DNMBP: variants seen among roughly 807,000 people sequenced by gnomAD.
The protein encoded by DNMBP is dynamin-binding protein.
Under a neutral mutation model 150.0 loss-of-function variants are expected in DNMBP, and 87 were observed. The ratio of observed to expected loss-of-function variants is 0.58; its 90% confidence interval spans 0.49 to 0.69. The LOEUF (loss-of-function observed/expected upper bound fraction) is 0.69, where lower values mean the gene tolerates loss of function less well. DNMBP is among the 30% of genes least tolerant of loss of function. The probability of loss-of-function intolerance (pLI) is 0.00; values close to 1 mark genes in which losing one functional copy is unlikely to be tolerated. For synonymous variants in DNMBP, 711 were observed against 750.4 expected, an observed-to-expected ratio of 0.95 and a Z score of 0.86; for missense variants, 1,774 against 1,949.0, an observed-to-expected ratio of 0.91 and a Z score of 1.69.
chr10:99,902,927 TAA>T (rs775080360), intron 6 of DNMBP, among the ~76,000 whole-genome samples: 36 of 135,134 alleles, frequency 2.7e-4, no homozygotes, highest in African/African-American at 3.3e-4. Context: ...ATTCTGTCTT[TAA>T]AAAAAAAAAA....
intron 4 of DNMBP, among the ~76,000 whole-genome samples, chr10:99,942,588 C>A (rs1324735210): frequency 1.3e-5 from 2 of 152,182 alleles, no homozygotes; most frequent in African/African-American, 4.8e-5. Context: ...TACTTAAGTA[C>A]CTCAATGCAT....
rs1239254934 is a variant in DNMBP, at chr10:99,970,993, A to AAAAAAAAAG, written c.145+986_145+987insCTTTTTTTT. Reference sequence around the variant, plus strand: ...TCTCAAAAAAAAAAAAAAAAAAAAAAAAAAAGGAAAGCAGTAGTAAACAAC... The same window carrying AAAAAAAAAG: ...TCTCAAAAAAAAAAAAAAAAAAAAAAAAAAAAAAGAAAAAGGAAAGCAGTAGTAAACAAC... On this transcript the variant is annotated intron_variant, in intron 2 of 16. Coordinates refer to ENST00000324109, the MANE Select transcript of DNMBP (RefSeq NM_015221.4). Among the ~76,000 whole-genome samples, 3 of 148,892 alleles carry AAAAAAAAAG rather than the reference A, an allele frequency of 2.0e-5. No homozygotes were observed. The Admixed American group carries it at 2.0e-4, about 10-fold the overall frequency.
Position 99,898,734 on chromosome 10 carries a change from GGA to G in DNMBP, c.2720+7_2720+8del, listed in dbSNP as rs1207125326. 1.2e-6 allele frequency: 2 copies of G among 1,613,646 alleles called. No homozygotes were observed. Among genetic ancestry groups the G allele is most frequent in the Non-Finnish European group, 1.7e-6 (2 of 1,179,776 alleles). Reference sequence around the variant, plus strand: ...ATGAGCGCATACATCAAGCAGCAATGGAACTTACCATTCGTTGTATAGGCTCC... The same window carrying G: ...ATGAGCGCATACATCAAGCAGCAATGACTTACCATTCGTTGTATAGGCTCC... On this transcript the variant is annotated splice_region_variant and intron_variant, in intron 8 of 16. Coordinates refer to ENST00000324109, the MANE Select transcript of DNMBP (RefSeq NM_015221.4).
At chr10:99,899,579 G>A in intron 7 of DNMBP, among the ~76,000 whole-genome samples, 1 of 152,120 alleles carries the variant, frequency 6.6e-6, no homozygotes, top group Non-Finnish European at 1.5e-5. Context: ...GCTGACCTGG[G>A]CAATAAGCTG....
In DNMBP at chr10:99,902,603, C is replaced by T. The variant is rs542749130; in HGVS notation, c.2555-2537G>A. 3.3e-3 allele frequency among the ~76,000 whole-genome samples: 493 copies of T among 147,486 alleles called. 3 individuals are homozygous for T. Among genetic ancestry groups the T allele is most frequent in the Middle Eastern group, 7.0e-3 (2 of 284 alleles). On this transcript the variant is annotated intron_variant, in intron 6 of 16. Transcript: ENST00000324109. ...GGGATTACCGGTGTGAAACACCGCA[C>T]CCGGCTGCCTCCCTTTAAAAAAAAA...
At chr10:99,886,866 T>C (rs2039475607) in intron 12 of DNMBP, among the ~76,000 whole-genome samples, 1 of 152,162 alleles carries the variant, frequency 6.6e-6, no homozygotes, top group Non-Finnish European at 1.5e-5. Context: ...TCAAGGAGTA[T>C]GTAAAATACA....
intron 1 of DNMBP, among the ~76,000 whole-genome samples, chr10:99,993,114 T>C (rs2040914269): frequency 6.6e-6 from 1 of 152,200 alleles, no homozygotes. Flanking sequence ...GAAATTAATA[T>C]ATGTAAAGCA....
intron 4 of DNMBP, among the ~76,000 whole-genome samples, chr10:99,937,555 A>C (rs572573365): frequency 6.6e-6 from 1 of 152,350 alleles, no homozygotes; most frequent in South Asian, 2.1e-4. Context: ...AAACACAGTA[A>C]ATCTTAATTT....
At position 99,955,916 on chromosome 10, in the gene DNMBP, T is replaced by C. The variant is rs1351250528; in HGVS notation, c.1558A>G (p.Arg520Gly). The C allele has an allele frequency of 1.2e-6, 2 of 1,614,064 alleles. No individual in the cohort carries two copies. Among genetic ancestry groups the C allele is most frequent in the Non-Finnish European group, 8.5e-7 (1 of 1,179,974 alleles). Residue 520 changes from arginine (R) to glycine (G), a missense_variant, in exon 4 of 17, where the codon AGA becomes GGA. Coordinates refer to ENST00000324109, the MANE Select transcript of DNMBP (RefSeq NM_015221.4). ...TGCGGACCAGGCTTCATCTCCAATC[T>C]CTCTGAGATGGAGTAAACACTGGAC... Reference protein sequence around the residue: ...HTSSVYSISERLEMKPGPQAQ... With the variant: ...HTSSVYSISEGLEMKPGPQAQ...
chr10:99,884,270 A>G (rs1015821363), intron 14 of DNMBP, 61 bp from the exon 15 acceptor site: 2 of 1,438,230 alleles, frequency 1.4e-6, no homozygotes, highest in African/African-American at 2.8e-5. Flanking sequence ...GCCATATTTC[A>G]TCCCAACATG....
chr10:99,916,891 A>G (rs1312633530), intron 4 of DNMBP, among the ~76,000 whole-genome samples: 1 of 152,158 alleles, frequency 6.6e-6, no homozygotes, highest in Non-Finnish European at 1.5e-5. Context: ...AGTGCCAGCT[A>G]CTCAGGAGGC....
chr10:99,953,420 A>G (rs1221125513), intron 4 of DNMBP, among the ~76,000 whole-genome samples: 2 of 152,162 alleles, frequency 1.3e-5, no homozygotes, highest in South Asian at 2.1e-4. Context: ...CCTCATCTAT[A>G]GAGTAGCCAT....
At chr10:99,885,951 G>T in intron 13 of DNMBP, 85 bp from the exon 14 acceptor site, 1 of 1,291,462 alleles carries the variant, frequency 7.7e-7, no homozygotes, top group Non-Finnish European at 1.0e-6. Flanking sequence ...CATGATGAAA[G>T]ATCCCGGATT....
chr10:99,893,601 G>T (rs1222310929), intron 11 of DNMBP, among the ~76,000 whole-genome samples: 1 of 152,180 alleles, frequency 6.6e-6, no homozygotes, highest in Non-Finnish European at 1.5e-5. Flanking sequence ...GGGCGTGGTG[G>T]TGTACGCCTC....
intron 12 of DNMBP, among the ~76,000 whole-genome samples, chr10:99,887,952 G>A (rs2039496068): frequency 6.6e-6 from 1 of 151,966 alleles, no homozygotes; most frequent in African/African-American, 2.4e-5. Context: ...AGCCTCCCGA[G>A]TAGCTGGGAT....
At chr10:99,976,992 T>C (rs2040734922) in intron 1 of DNMBP, among the ~76,000 whole-genome samples, 1 of 152,192 alleles carries the variant, frequency 6.6e-6, no homozygotes, top group Non-Finnish European at 1.5e-5. Context: ...ATATAATTAC[T>C]TAGAGAACTA....
At chr10:99,886,761 C>A in intron 12 of DNMBP, 129 bp from the exon 13 acceptor site, 1 of 758,782 alleles carries the variant, frequency 1.3e-6, no homozygotes, top group East Asian at 2.6e-5. Context: ...ACAAGCTAAA[C>A]CCATACAGAT....
chr10:99,940,978 A>G (rs1218878626), intron 4 of DNMBP, among the ~76,000 whole-genome samples: 1 of 151,924 alleles, frequency 6.6e-6, no homozygotes, highest in Non-Finnish European at 1.5e-5. Flanking sequence ...TCCACCTCCC[A>G]TGTTCAAGTG....
At chr10:100,004,674 A>AC (rs2041050124) in intron 1 of DNMBP, among the ~76,000 whole-genome samples, 1 of 152,216 alleles carries the variant, frequency 6.6e-6, no homozygotes, top group African/African-American at 2.4e-5. Flanking sequence ...CACAGACATG[A>AC]CCTAGGGTTC....
Sources: gnomAD v4.1 joint callset for allele counts (sites outside exome capture counted in the v4.1 genomes callset) on GRCh38, gnomAD v4.1.1 for gene constraint, MANE v1.5 for transcripts, NCBI Gene and HGNC (gene_info 2026-07-23, HGNC 2026-07-21) for gene names.